KANTR: variants seen among roughly 807,000 people sequenced by gnomAD.
KANTR encodes the protein KDM5C adjacent transcript.
exon 3 of KANTR, chrX:53,125,800 G>A (rs1002598227): frequency 1.8e-5 from 2 of 109,372 alleles, no homozygotes; most frequent in East Asian, 5.7e-4. Flanking sequence ...GGACTTACAT[G>A]CATACATTCT....
downstream of KANTR, among the ~76,000 whole-genome samples, chrX:53,147,204 TG>T (rs782745836): frequency 3.2e-4 from 36 of 111,909 alleles, no homozygotes; most frequent in Admixed American, 3.3e-3. Flanking sequence ...CCCATCAGTG[TG>T]CTGTATTCAG....
exon 3 of KANTR, chrX:53,126,226 A>G (rs1556816197): frequency 9.0e-6 from 1 of 110,961 alleles, no homozygotes; most frequent in Non-Finnish European, 1.9e-5. Context: ...TTCGTGGCTC[A>G]GTGAATTCAT....
At chrX:53,120,026 G>A (rs1419661912) in intron 2 of KANTR, among the ~76,000 whole-genome samples, 9 of 109,665 alleles carry the variant, frequency 8.2e-5, no homozygotes, top group African/African-American at 2.7e-4. Flanking sequence ...GCCCCCCTTT[G>A]TTATTTTATT....
At chrX:53,118,937 T>G (rs1306806534) in intron 2 of KANTR, among the ~76,000 whole-genome samples, 2 of 111,430 alleles carry the variant, frequency 1.8e-5, no homozygotes, top group Non-Finnish European at 3.8e-5. Context: ...TAGGTGTTCT[T>G]TATGTGGATC....
chrX:53,143,344 A>G (rs1241131438), downstream of KANTR: 6 of 732,867 alleles, frequency 8.2e-6, no homozygotes, highest in African/African-American at 8.5e-5. Context: ...GAGGATCTTC[A>G]TGAGGTAGTT....
At chrX:53,130,105 G>T (rs1933343026), downstream of KANTR, among the ~76,000 whole-genome samples, 1 of 111,221 alleles carries the variant, frequency 9.0e-6, no homozygotes, top group East Asian at 2.8e-4. Flanking sequence ...GGCCTGAAGT[G>T]ATCCATACAC....
chrX:53,140,287 A>C (rs1167480908), intron 2 of KANTR, among the ~76,000 whole-genome samples: 2 of 111,459 alleles, frequency 1.8e-5, no homozygotes, highest in Admixed American at 9.5e-5. Context: ...ACCTGAGGTC[A>C]CTCAGGAGTT....
chrX:53,114,290 C>A (rs1239604611), intron 2 of KANTR, among the ~76,000 whole-genome samples: 1 of 112,675 alleles, frequency 8.9e-6, no homozygotes, highest in African/African-American at 3.2e-5. Context: ...AAGCAGTCTG[C>A]CCGCCTCGGC....
intron 2 of KANTR, among the ~76,000 whole-genome samples, chrX:53,110,663 G>T (rs927477950): frequency 8.9e-6 from 1 of 111,937 alleles, no homozygotes; most frequent in Non-Finnish European, 1.9e-5. Flanking sequence ...CGTGGCTCAC[G>T]CCTGTAATCC....
intron 2 of KANTR, among the ~76,000 whole-genome samples, chrX:53,133,145 AT>A (rs1193281753): frequency 2.7e-5 from 3 of 110,011 alleles, no homozygotes; most frequent in African/African-American, 9.9e-5. Flanking sequence ...AGGCGGGAAG[AT>A]TGCTTGAGCC....
downstream of KANTR, among the ~76,000 whole-genome samples, chrX:53,144,640 C>A (rs1933549377): frequency 9.1e-6 from 1 of 110,461 alleles, no homozygotes; most frequent in African/African-American, 3.3e-5. Context: ...AGGTCGCAGT[C>A]AGCTTAGATT....
At chrX:53,130,835 G>A (rs1289654856), downstream of KANTR, among the ~76,000 whole-genome samples, 1 of 111,460 alleles carries the variant, frequency 9.0e-6, no homozygotes, top group Middle Eastern at 4.2e-3. Context: ...ATTTGAAGGT[G>A]TTATTTGGGC....
chrX:53,098,356 T>C (rs1932862885), intron 1 of KANTR, among the ~76,000 whole-genome samples: 1 of 112,308 alleles, frequency 8.9e-6, no homozygotes, highest in African/African-American at 3.2e-5. Flanking sequence ...AATTTTTTGC[T>C]GGTGGAGGGT....
intron 1 of KANTR, among the ~76,000 whole-genome samples, chrX:53,097,769 GA>G (rs1471937844): frequency 9.2e-6 from 1 of 108,332 alleles, no homozygotes; most frequent in Non-Finnish European, 1.9e-5. Context: ...TATAATTACA[GA>G]CTGGGCGCAG....
chrX:53,109,205 A>G (rs1269610737), intron 2 of KANTR, among the ~76,000 whole-genome samples: 1 of 112,094 alleles, frequency 8.9e-6, no homozygotes, highest in East Asian at 2.8e-4. Flanking sequence ...TTCATTCATC[A>G]ATGTCTTACT....
At chrX:53,120,151 C>T (rs1037668192) in intron 2 of KANTR, among the ~76,000 whole-genome samples, 1 of 111,366 alleles carries the variant, frequency 9.0e-6, no homozygotes, top group African/African-American at 3.3e-5. Context: ...TCTCCCACCT[C>T]AGCCTTTCAA....
chrX:53,103,890 A>G (rs1173485476), intron 2 of KANTR, among the ~76,000 whole-genome samples: 1 of 110,998 alleles, frequency 9.0e-6, no homozygotes, highest in Admixed American at 9.7e-5. Context: ...ACTCCATCCC[A>G]TCCTCTCTCA....
chrX:53,098,067 AAAAG>A (rs1483374134), intron 1 of KANTR, among the ~76,000 whole-genome samples: 11 of 107,282 alleles, frequency 1.0e-4, no homozygotes, highest in Admixed American at 4.0e-4. Flanking sequence ...AAAAAAAAAA[AAAAG>A]AAAGAAAGAA....
At chrX:53,098,886 C>A (rs1166304382) in intron 1 of KANTR, among the ~76,000 whole-genome samples, 1 of 110,938 alleles carries the variant, frequency 9.0e-6, no homozygotes, top group African/African-American at 3.3e-5. Flanking sequence ...CCACCACGCC[C>A]AGCCAATTTT....
Sources: gnomAD v4.1 joint callset for allele counts (sites outside exome capture counted in the v4.1 genomes callset) on GRCh38, gnomAD v4.1.1 for gene constraint, MANE v1.5 for transcripts, NCBI Gene and HGNC (gene_info 2026-07-23, HGNC 2026-07-21) for gene names.